The following RALYL variants were observed in gnomAD, a reference collection of about 807,000 sequenced individuals.
The protein encoded by RALYL is RALY RNA binding protein like.
A neutral mutation model predicts 35.1 loss-of-function variants in RALYL; 29 were observed. That is an observed-to-expected ratio of 0.83 (90% CI 0.61 to 1.13). RALYL has a LOEUF of 1.13. Among genes scored for constraint, RALYL ranks in the 50% most tolerant of loss-of-function variants. RALYL has a pLI of 0.00. For missense variants in RALYL, 359 were observed against 360.4 expected (o/e 1.00, Z 0.03); for synonymous variants, 120 against 127.6 (o/e 0.94, Z 0.40).
At chr8:84,338,685 T>C (rs568624006) in intron 1 of RALYL, among the ~76,000 whole-genome samples, 1 of 152,206 alleles carries the variant, frequency 6.6e-6, no homozygotes, top group Admixed American at 6.6e-5. Context: ...TGGTCTTTTT[T>C]ATACCTTGGT....
intron 1 of RALYL, among the ~76,000 whole-genome samples, chr8:84,471,129 G>A (rs959204140): frequency 6.6e-6 from 1 of 152,200 alleles, no homozygotes; most frequent in East Asian, 1.9e-4. Flanking sequence ...TACAAAGTAA[G>A]TGTTGATTTT....
intron 1 of RALYL, among the ~76,000 whole-genome samples, chr8:84,269,249 A>T (rs186736115): frequency 1.1e-3 from 166 of 152,300 alleles, no homozygotes; most frequent in Middle Eastern, 3.4e-3. Flanking sequence ...TATAGATTAA[A>T]TTACCAACTA....
intron 2 of RALYL, among the ~76,000 whole-genome samples, chr8:84,563,938 A>C (rs2061616942): frequency 6.6e-6 from 1 of 151,784 alleles, no homozygotes; most frequent in African/African-American, 2.4e-5. Context: ...CATTTATGTA[A>C]AATTTTTACA....
intron 2 of RALYL, among the ~76,000 whole-genome samples, chr8:84,765,833 A>G (rs1391911095): frequency 2.7e-5 from 4 of 149,984 alleles, no homozygotes; most frequent in Non-Finnish European, 4.4e-5. Flanking sequence ...TTTAAACCTG[A>G]TGAGGAAAAA....
At chr8:84,613,828 G>A (rs975739584) in intron 2 of RALYL, among the ~76,000 whole-genome samples, 3 of 148,904 alleles carry the variant, frequency 2.0e-5, no homozygotes, top group Non-Finnish European at 4.5e-5. Flanking sequence ...TCAGAAATCC[G>A]CAGTTTTTAC....
intron 1 of RALYL, among the ~76,000 whole-genome samples, chr8:84,466,292 C>G (rs1245604129): frequency 1.4e-5 from 2 of 141,948 alleles, no homozygotes; most frequent in Non-Finnish European, 3.1e-5. Context: ...TCATAGATAG[C>G]TCTTATTATT....
At chr8:84,815,036 G>A (rs1235448398) in intron 4 of RALYL, among the ~76,000 whole-genome samples, 2 of 152,132 alleles carry the variant, frequency 1.3e-5, no homozygotes, top group Admixed American at 1.3e-4. Context: ...ACATGCACAG[G>A]TTGTCATTGT....
intron 6 of RALYL, among the ~76,000 whole-genome samples, chr8:84,867,640 C>T (rs868187651): frequency 6.6e-6 from 1 of 152,196 alleles, no homozygotes; most frequent in Non-Finnish European, 1.5e-5. Flanking sequence ...TCTGCTACTT[C>T]TGTTACTTAG....
chr8:84,315,507 A>G (rs73688479), intron 1 of RALYL, among the ~76,000 whole-genome samples: 3,792 of 152,222 alleles, frequency 0.025, 170 homozygotes, highest in African/African-American at 0.086. Flanking sequence ...TTGCAGGTCT[A>G]GGGGAGAATT....
chr8:84,254,746 GA>G (rs10675428), intron 1 of RALYL, among the ~76,000 whole-genome samples: 93 of 126,464 alleles, frequency 7.4e-4, no homozygotes, highest in Non-Finnish European at 7.6e-4. Flanking sequence ...GGTAATTTAT[GA>G]AAAAAAAAAA....
intron 5 of RALYL, among the ~76,000 whole-genome samples, chr8:84,858,825 T>G (rs1164013627): frequency 6.6e-6 from 1 of 152,184 alleles, no homozygotes; most frequent in East Asian, 1.9e-4. Flanking sequence ...TCTTGTTATG[T>G]TTTTGTACAT....
At chr8:84,701,675 A>G (rs1163343092) in intron 2 of RALYL, among the ~76,000 whole-genome samples, 1 of 152,156 alleles carries the variant, frequency 6.6e-6, no homozygotes, top group African/African-American at 2.4e-5. Flanking sequence ...TGACTCCAGT[A>G]AGACAGGGTA....
chr8:84,620,708 T>TC (rs1430224232), intron 2 of RALYL, among the ~76,000 whole-genome samples: 1 of 151,758 alleles, frequency 6.6e-6, no homozygotes, highest in African/African-American at 2.4e-5. Flanking sequence ...TTCTGTTTTT[T>TC]CCCCATCTTT....
At chr8:84,463,537 T>C (rs2051081407) in intron 1 of RALYL, among the ~76,000 whole-genome samples, 1 of 152,054 alleles carries the variant, frequency 6.6e-6, no homozygotes, top group African/African-American at 2.4e-5. Context: ...GGCAATGTAC[T>C]ATAATAGAAA....
intron 1 of RALYL, among the ~76,000 whole-genome samples, chr8:84,463,064 T>C (rs1425223621): frequency 6.6e-6 from 1 of 152,030 alleles, no homozygotes; most frequent in Non-Finnish European, 1.5e-5. Context: ...ATATTTGTAC[T>C]CTTAAATGTC....
chr8:84,618,409 A>G (rs1332982834), intron 2 of RALYL, among the ~76,000 whole-genome samples: 1 of 151,088 alleles, frequency 6.6e-6, no homozygotes, highest in Non-Finnish European at 1.5e-5. Flanking sequence ...CTCTGATGGT[A>G]GTTTGTATTT....
At chr8:84,252,226 C>G (rs555511379) in intron 1 of RALYL, among the ~76,000 whole-genome samples, 13 of 152,126 alleles carry the variant, frequency 8.5e-5, no homozygotes, top group African/African-American at 3.1e-4. Flanking sequence ...CATAGTCTAC[C>G]AACACTTAAT....
At chr8:84,445,363 T>C (rs1192936577) in intron 1 of RALYL, among the ~76,000 whole-genome samples, 3 of 151,986 alleles carry the variant, frequency 2.0e-5, no homozygotes, top group Non-Finnish European at 4.4e-5. Context: ...ATCCACTCAA[T>C]AGTGGTTCTA....
chr8:84,459,070 AATT>A (rs1197142222), intron 1 of RALYL, among the ~76,000 whole-genome samples: 3 of 151,818 alleles, frequency 2.0e-5, no homozygotes, highest in African/African-American at 7.2e-5. Context: ...AAGTAAAAAT[AATT>A]AAGTCAAACA....
Sources: allele counts gnomAD v4.1 joint callset (sites outside exome capture counted in the v4.1 genomes callset), GRCh38; gene constraint gnomAD v4.1.1; transcripts MANE v1.5; gene names NCBI Gene and HGNC (gene_info 2026-07-23, HGNC 2026-07-21).